The following AADAT variants were observed in gnomAD, a reference collection of about 807,000 sequenced individuals.
The protein encoded by AADAT is kynurenine/alpha-aminoadipate aminotransferase, mitochondrial.
A neutral mutation model predicts 56.2 loss-of-function variants in AADAT; 25 were observed. The ratio of observed to expected loss-of-function variants is 0.44; its 90% CI spans 0.32 to 0.62. The LOEUF (loss-of-function observed/expected upper bound fraction) is 0.62. Ranked by LOEUF, AADAT falls within the 20% of genes least tolerant of loss-of-function variation. AADAT has a pLI of 0.04. For missense variants in AADAT, 387 were observed against 510.5 expected (o/e 0.76, Z 2.33); for synonymous variants, 173 against 164.7 (o/e 1.05, Z -0.39).
upstream of AADAT, among the ~76,000 whole-genome samples, chr4:170,092,814 CTGT>C (rs1441838056): frequency 2.1e-4 from 32 of 152,330 alleles, no homozygotes; most frequent in African/African-American, 7.0e-4. Flanking sequence ...TGAACATTGG[CTGT>C]TGTTAGTAAC....
intron 1 of AADAT, among the ~76,000 whole-genome samples, chr4:170,088,967 C>CTTAG (rs1732701449): frequency 1.3e-5 from 2 of 152,338 alleles, no homozygotes; most frequent in Admixed American, 1.3e-4. Context: ...GCACTTTGAT[C>CTTAG]TTAGACTTCC....
chr4:170,089,800 G>GC lies in AADAT; in HGVS notation c.-111dup. On this transcript the variant is annotated 5_prime_UTR_variant, in exon 1 of 13. Transcript: ENST00000337664. ...AACTCCTCACTCTGGCAACGCCACC[G>GC]CGAGATGTGTCCCCCCGCTGCGTCT... The GC allele has an allele frequency of 9.1e-7, 1 of 1,098,026 alleles. No homozygotes were observed. The highest frequency in any genetic ancestry group is 2.1e-4 in the Middle Eastern group (1 of 4,872). The allele number at this position is 1,098,026 out of a possible 1,614,324, so 68.0% of individuals were successfully genotyped here.
intron 8 of AADAT, among the ~76,000 whole-genome samples, chr4:170,067,763 T>C (rs1200208033): frequency 1.3e-5 from 2 of 152,228 alleles, no homozygotes; most frequent in Admixed American, 6.5e-5. Flanking sequence ...TTAATTGCCA[T>C]ACTGTACTGC....
chr4:170,092,306 C>T (rs185666982), upstream of AADAT, among the ~76,000 whole-genome samples: 4 of 152,346 alleles, frequency 2.6e-5, no homozygotes, highest in Admixed American at 6.5e-5. Context: ...CAGTTTCTCT[C>T]CTGAGGCCGT....
chr4:170,086,208 C>T (rs115144755), intron 3 of AADAT, among the ~76,000 whole-genome samples: 2,614 of 151,494 alleles, frequency 0.017, 82 homozygotes, highest in African/African-American at 0.06. Context: ...ATTGCGCCAC[C>T]GCACTCCAGT....
At chr4:170,092,249 G>A (rs114215510), upstream of AADAT, among the ~76,000 whole-genome samples, 3,028 of 152,330 alleles carry the variant, frequency 0.02, 84 homozygotes, top group African/African-American at 0.07. Context: ...CTGACTCTTT[G>A]GGTCCACATT....
chr4:170,074,639 T>C (rs1385899518), intron 4 of AADAT, among the ~76,000 whole-genome samples: 2 of 152,118 alleles, frequency 1.3e-5, no homozygotes, highest in South Asian at 4.1e-4. Flanking sequence ...GTAGGCCCCC[T>C]GTTATGCCGA....
intron 3 of AADAT, among the ~76,000 whole-genome samples, chr4:170,081,421 G>A (rs759154643): frequency 5.1e-4 from 78 of 152,114 alleles, no homozygotes; most frequent in Admixed American, 9.8e-4. Flanking sequence ...GTTTCTAAAC[G>A]TGAGAGAGAT....
rs1561012634 is a variant in AADAT at position 170,067,399 on chromosome 4, T to TA, written c.901-12dup. On this transcript the variant is annotated splice_polypyrimidine_tract_variant and intron_variant, in intron 8 of 12. Transcript: ENST00000337664. ...CTGTGATATCATGAGCTAAAAGAGATAAAATCATAAATACCATGTTTCATC... is the reference window on the plus strand; with the variant it reads ...CTGTGATATCATGAGCTAAAAGAGATAAAAATCATAAATACCATGTTTCATC... 2 of 1,609,180 alleles carry TA rather than the reference T, an allele frequency of 1.2e-6. No individual in the cohort carries two copies. The highest frequency in any genetic ancestry group is 8.5e-7 in the Non-Finnish European group (1 of 1,177,056).
At chr4:170,064,698 C>G in intron 11 of AADAT, 21 bp downstream of exon 11, 6 of 1,529,510 alleles carry the variant, frequency 3.9e-6, no homozygotes, top group Non-Finnish European at 5.3e-6. Flanking sequence ...GGTTTCCCAG[C>G]CCTTCACCTC....
At chr4:170,082,156 A>G (rs988982653) in intron 3 of AADAT, among the ~76,000 whole-genome samples, 1 of 152,214 alleles carries the variant, frequency 6.6e-6, no homozygotes, top group African/African-American at 2.4e-5. Context: ...TCCACTCATA[A>G]TTCTCATATG....
At chr4:170,077,186 A>C (rs1231192352) in intron 4 of AADAT, among the ~76,000 whole-genome samples, 1 of 152,070 alleles carries the variant, frequency 6.6e-6, no homozygotes, top group Non-Finnish European at 1.5e-5. Flanking sequence ...GGTCCTTTAA[A>C]CTCACATCAA....
At chr4:170,072,883 C>T (rs182577042) in intron 5 of AADAT, among the ~76,000 whole-genome samples, 125 of 152,138 alleles carry the variant, frequency 8.2e-4, no homozygotes, top group African/African-American at 2.9e-3. Context: ...AATTTAACAT[C>T]AGGCCAAGAA....
At position 170,073,334 on chromosome 4, in the gene AADAT, C is replaced by T; in HGVS notation, c.456G>A (p.Leu152=). The change falls in exon 5 of 13, where the codon CTG becomes CTA. Residue 152 remains leucine, a synonymous_variant. Coordinates refer to ENST00000337664, the MANE Select transcript of AADAT (RefSeq NM_016228.4). ...TGGCAACATTAATAATGTTGCAGCCCAGTGGGTGCAGCTGTTGAGCACAAA... is the reference window on the plus strand; with the variant it reads ...TGGCAACATTAATAATGTTGCAGCCTAGTGGGTGCAGCTGTTGAGCACAAA... The part of the protein sequence containing the change: ...YSGTLQSLHP[L]GCNIINVASD... 1 of 1,613,558 alleles carries T rather than the reference C, an allele frequency of 6.2e-7. No individual in the cohort carries two copies. Among genetic ancestry groups the T allele is most frequent in the Non-Finnish European group, 8.5e-7 (1 of 1,179,796 alleles).
chr4:170,084,973 C>T (rs1429715495), intron 3 of AADAT, among the ~76,000 whole-genome samples: 1 of 152,188 alleles, frequency 6.6e-6, no homozygotes, highest in Non-Finnish European at 1.5e-5. Context: ...GCAAGACCAA[C>T]CCCTCCTCTT....
intron 3 of AADAT, among the ~76,000 whole-genome samples, chr4:170,086,914 A>C (rs1581598410): frequency 6.6e-6 from 1 of 150,854 alleles, no homozygotes. Flanking sequence ...CCCCCTACCC[A>C]CCCTTGCCCA....
intron 3 of AADAT, among the ~76,000 whole-genome samples, chr4:170,085,892 G>T (rs985630770): frequency 1.7e-4 from 26 of 151,832 alleles, no homozygotes; most frequent in African/African-American, 6.3e-4. Context: ...ATATTTCCAT[G>T]AAAAAGAAAA....
At chr4:170,062,390 G>A (rs1157311765) in intron 11 of AADAT, among the ~76,000 whole-genome samples, 1 of 152,158 alleles carries the variant, frequency 6.6e-6, no homozygotes, top group Non-Finnish European at 1.5e-5. Flanking sequence ...TTACTTTTAA[G>A]CTGGGGCCTG....
chr4:170,076,340 A>T (rs1265662394), intron 4 of AADAT, among the ~76,000 whole-genome samples: 1 of 152,092 alleles, frequency 6.6e-6, no homozygotes, highest in Non-Finnish European at 1.5e-5. Context: ...TTTTTTCCCC[A>T]AGCCTGAGTC....
Sources: allele counts gnomAD v4.1 joint callset (sites outside exome capture counted in the v4.1 genomes callset), GRCh38; gene constraint gnomAD v4.1.1; transcripts MANE v1.5; gene names NCBI Gene and HGNC (gene_info 2026-07-23, HGNC 2026-07-21).